Variants in IQCM observed in about 807,000 individuals in gnomAD.
IQCM encodes the protein IQ domain-containing protein M.
In IQCM, 45 loss-of-function variants were observed where a neutral mutation model predicts 57.6. The ratio of observed to expected loss-of-function variants is 0.78; its 90% CI spans 0.62 to 1.00. The LOEUF is 1.00. IQCM is among the 50% of genes least tolerant of loss of function. IQCM has a pLI of 0.00. For synonymous variants in IQCM, 148 were observed against 158.9 expected, an observed-to-expected ratio of 0.93 and a Z score of 0.51; for missense variants, 468 against 511.6, an observed-to-expected ratio of 0.91 and a Z score of 0.82.
intron 10 of IQCM, among the ~76,000 whole-genome samples, chr4:149,554,741 C>CTGCACT (rs1749391146): frequency 6.6e-6 from 1 of 151,742 alleles, no homozygotes; most frequent in Non-Finnish European, 1.5e-5. Context: ...GCTCTGTCGC[C>CTGCACT]CAGGCTGGAG....
chr4:149,354,237 G>A (rs1366517860), intron 13 of IQCM, among the ~76,000 whole-genome samples: 4 of 146,898 alleles, frequency 2.7e-5, no homozygotes, highest in Admixed American at 1.4e-4. Flanking sequence ...AGTGGCGGGC[G>A]CCTGTAGTCC....
intron 6 of IQCM, among the ~76,000 whole-genome samples, chr4:149,684,787 A>G (rs1280022199): frequency 6.6e-6 from 1 of 151,302 alleles, no homozygotes; most frequent in East Asian, 1.9e-4. Flanking sequence ...CTGCATTCCC[A>G]TCACACTTTT....
intron 5 of IQCM, among the ~76,000 whole-genome samples, chr4:149,688,329 C>T (rs1762696645): frequency 6.6e-6 from 1 of 151,828 alleles, no homozygotes; most frequent in Admixed American, 6.6e-5. Flanking sequence ...AAAATCAAAT[C>T]AAAAACTCAA....
chr4:149,367,022 G>A (rs1429672188), intron 13 of IQCM, among the ~76,000 whole-genome samples: 1 of 151,982 alleles, frequency 6.6e-6, no homozygotes, highest in Non-Finnish European at 1.5e-5. Flanking sequence ...TTCTGTGCAA[G>A]GCACTGTGCT....
chr4:149,476,275 T>C (rs1740178599), intron 12 of IQCM, among the ~76,000 whole-genome samples: 1 of 152,172 alleles, frequency 6.6e-6, no homozygotes. Context: ...TATGGGAAGA[T>C]GCATCAGCCT....
chr4:149,442,477 G>T (rs1165909885), intron 12 of IQCM, among the ~76,000 whole-genome samples: 1 of 151,990 alleles, frequency 6.6e-6, no homozygotes, highest in Non-Finnish European at 1.5e-5. Flanking sequence ...TTAAAACTGT[G>T]CTTAACTGAA....
intron 8 of IQCM, among the ~76,000 whole-genome samples, chr4:149,598,013 T>C (rs752814787): frequency 1.1e-4 from 17 of 152,002 alleles, no homozygotes; most frequent in Admixed American, 4.6e-4. Flanking sequence ...CCAGCAACAA[T>C]GGTAGCCAGA....
At chr4:149,726,131 G>GAAAGA in intron 5 of IQCM, among the ~76,000 whole-genome samples, 1 of 145,022 alleles carries the variant, frequency 6.9e-6, no homozygotes. Context: ...AAGAAAGAAA[G>GAAAGA]AAAGAAAGAA....
At chr4:149,483,957 G>A (rs1028333851) in intron 12 of IQCM, among the ~76,000 whole-genome samples, 14 of 151,816 alleles carry the variant, frequency 9.2e-5, no homozygotes, top group Non-Finnish European at 1.5e-4. Context: ...GCTCCAGTTT[G>A]GATGCATATA....
At chr4:149,672,894 A>T (rs1284350089) in intron 7 of IQCM, among the ~76,000 whole-genome samples, 2 of 152,178 alleles carry the variant, frequency 1.3e-5, no homozygotes, top group African/African-American at 2.4e-5. Flanking sequence ...CGGGTTACCC[A>T]CAAAGGGAAG....
rs1282848488 is a variant in IQCM, at chr4:149,727,194, A to G, written c.385+6050T>C. On this transcript the variant is annotated intron_variant, in intron 5 of 13. Transcript: ENST00000636793. ...ATTAATGACTCCAACCTTTCCCATG[A>G]GTCTGCACTTACTTATAATGGACTA... 2.6e-5 allele frequency among the ~76,000 whole-genome samples: 4 copies of G among 152,314 alleles called. No individual in the cohort carries two copies. In the East Asian group the frequency reaches 7.7e-4, roughly 29 times the overall value.
At chr4:149,601,916 T>C (rs372901222) in intron 8 of IQCM, among the ~76,000 whole-genome samples, 1 of 149,846 alleles carries the variant, frequency 6.7e-6, no homozygotes, top group East Asian at 2.0e-4. Context: ...TAGTCAGGCG[T>C]GGTGGCTGTC....
intron 13 of IQCM, among the ~76,000 whole-genome samples, chr4:149,418,445 T>C (rs1169863773): frequency 6.6e-6 from 1 of 152,004 alleles, no homozygotes; most frequent in Non-Finnish European, 1.5e-5. Flanking sequence ...AAGGCAGTAA[T>C]AAATAGCCTA....
chr4:149,594,450 C>T (rs1045280851), intron 8 of IQCM, among the ~76,000 whole-genome samples: 14 of 151,974 alleles, frequency 9.2e-5, no homozygotes, highest in African/African-American at 2.7e-4. Context: ...TGTGTCTCTA[C>T]CTCCTTCAGT....
chr4:149,672,782 C>A (rs1761415562), intron 7 of IQCM, among the ~76,000 whole-genome samples: 1 of 152,058 alleles, frequency 6.6e-6, no homozygotes, highest in African/African-American at 2.4e-5. Flanking sequence ...GAGAACACCA[C>A]AAAGATACTC....
intron 10 of IQCM, among the ~76,000 whole-genome samples, chr4:149,558,088 C>T (rs1749761231): frequency 6.6e-6 from 1 of 152,132 alleles, no homozygotes; most frequent in Non-Finnish European, 1.5e-5. Flanking sequence ...TTCTTCTTAC[C>T]TCTCTGGTTA....
intron 12 of IQCM, among the ~76,000 whole-genome samples, chr4:149,530,129 T>C (rs10016262): frequency 0.78 from 119,197 of 152,004 alleles, 47,376 homozygotes; most frequent in Non-Finnish European, 0.85. Context: ...ATTATTCTGA[T>C]CACCCCAAAG....
At chr4:149,451,839 C>T (rs530153414) in intron 12 of IQCM, among the ~76,000 whole-genome samples, 8 of 151,798 alleles carry the variant, frequency 5.3e-5, no homozygotes, top group African/African-American at 1.2e-4. Flanking sequence ...CAAAGCACTT[C>T]CTTTCACCAT....
At chr4:149,800,173 G>A (rs1773479792) in intron 2 of IQCM, among the ~76,000 whole-genome samples, 1 of 151,864 alleles carries the variant, frequency 6.6e-6, no homozygotes. Flanking sequence ...GTATCCCTGG[G>A]ATGCATAGAT....
Sources: allele counts gnomAD v4.1 joint callset (sites outside exome capture counted in the v4.1 genomes callset), GRCh38; gene constraint gnomAD v4.1.1; transcripts MANE v1.5; gene names NCBI Gene and HGNC (gene_info 2026-07-23, HGNC 2026-07-21).